Variants in SYNE1 observed in about 807,000 individuals in gnomAD.
SYNE1 encodes nesprin-1.
A neutral mutation model predicts 1,111.0 loss-of-function variants in SYNE1; 616 were observed. That is an observed-to-expected ratio of 0.55 (90% CI 0.52 to 0.59). The LOEUF (loss-of-function observed/expected upper bound fraction) is 0.59, where lower values mean the gene tolerates loss of function less well. Ranked by LOEUF, SYNE1 falls within the 20% of genes least tolerant of loss-of-function variation. SYNE1 has a pLI of 0.00. For synonymous variants in SYNE1, 3,855 were observed against 3,825.8 expected, an observed-to-expected ratio of 1.01 and a Z score of -0.28; for missense variants, 10,006 against 10,417.0, an observed-to-expected ratio of 0.96 and a Z score of 1.72.
chr6:152,463,414 A>C lies in SYNE1; in HGVS notation c.2036T>G (p.Leu679Arg). 1 of 1,613,856 alleles carries C rather than the reference A, an allele frequency of 6.2e-7. No individual in the cohort carries two copies. Among genetic ancestry groups the C allele is most frequent in the Non-Finnish European group, 8.5e-7 (1 of 1,179,810 alleles). Reference protein sequence around the residue: ...ETCDEMVSRDLKQQLLLLNGR... With the variant: ...ETCDEMVSRDRKQQLLLLNGR... ...ATTTAGCAACAGTAATTGCTGCTTC[A>C]GGTCACGGGAAACCATCTCATCACA... Residue 679 changes from leucine to arginine, a missense_variant, in exon 19 of 146, where the codon CTG becomes CGG. This residue lies in a region of SYNE1 where 1,971 missense variants were observed against 2,084.1 expected (regional missense o/e 0.95). Transcript: ENST00000367255.
chr6:152,336,059 TTTAAA>T (rs2096381671), intron 76 of SYNE1: 2 of 151,840 alleles, frequency 1.3e-5, no homozygotes, highest in African/African-American at 4.8e-5. Flanking sequence ...TATATTATAC[TTTAAA>T]TTAATTACAT....
chr6:152,331,877 T>C lies in SYNE1; in HGVS notation c.12808A>G (p.Ser4270Gly). Reference protein sequence around the residue: ...WDNLARSDAESTAVHLEALKK... With the variant: ...WDNLARSDAEGTAVHLEALKK... ...AAAGCTTCCAGGTGGACAGCTGTACTCTCTGCATCAGATCTGAAAATACAT... is the reference window on the plus strand; with the variant it reads ...AAAGCTTCCAGGTGGACAGCTGTACCCTCTGCATCAGATCTGAAAATACAT... Residue 4270 changes from serine to glycine, a missense_variant, in exon 78 of 146, where the codon AGT (serine) becomes GGT (glycine). Physicochemically the swap from Ser to Gly is moderately conservative, Grantham distance 56. Coordinates refer to ENST00000367255, the MANE Select transcript of SYNE1 (RefSeq NM_182961.4). 1.2e-6 allele frequency: 2 copies of C among 1,612,206 alleles called. No homozygotes were observed. Among genetic ancestry groups the C allele is most frequent in the Non-Finnish European group, 8.5e-7 (1 of 1,180,014 alleles).
chr6:152,617,983 A>T (rs1259645752), intron 3 of SYNE1, among the ~76,000 whole-genome samples: 1 of 152,226 alleles, frequency 6.6e-6, no homozygotes, highest in Non-Finnish European at 1.5e-5. Flanking sequence ...AATCGAAGTC[A>T]GGCAATGGAC....
At position 152,339,855 on chromosome 6, in the gene SYNE1, G is replaced by A. The variant is rs142524257; in HGVS notation, c.12226-489C>T. ...ATCTTGTATTATTCTCTTTCCACAAGCCCAAGAAAGGCTTCTCCAGGTGGA... is the reference window on the plus strand; with the variant it reads ...ATCTTGTATTATTCTCTTTCCACAAACCCAAGAAAGGCTTCTCCAGGTGGA... On this transcript the variant is annotated intron_variant, in intron 74 of 145. Coordinates refer to ENST00000367255, the MANE Select transcript of SYNE1 (RefSeq NM_182961.4). 3.3e-5 allele frequency among the ~76,000 whole-genome samples: 5 copies of A among 152,260 alleles called. No individual in the cohort carries two copies. The East Asian group carries it at 9.7e-4, about 29-fold the overall frequency.
chr6:152,171,116 T>A (rs2065102800), intron 130 of SYNE1, among the ~76,000 whole-genome samples: 1 of 152,192 alleles, frequency 6.6e-6, no homozygotes, highest in African/African-American at 2.4e-5. Context: ...AATCACCCAG[T>A]CTCGAGTTGT....
chr6:152,526,631 A>T (rs113659908), intron 4 of SYNE1, among the ~76,000 whole-genome samples: 3 of 152,226 alleles, frequency 2.0e-5, no homozygotes, highest in African/African-American at 7.2e-5. Context: ...TCTATAGGAC[A>T]TTCTCACCAC....
intron 3 of SYNE1, among the ~76,000 whole-genome samples, chr6:152,561,199 T>C (rs997612843): frequency 6.6e-6 from 1 of 152,172 alleles, no homozygotes. Context: ...TGGTTATAAC[T>C]GATAAATTTA....
intron 52 of SYNE1, 67 bp downstream of exon 52, chr6:152,391,210 A>T: frequency 6.2e-7 from 1 of 1,605,498 alleles, no homozygotes; most frequent in South Asian, 1.1e-5. Flanking sequence ...GACACAACAC[A>T]AGCACTTGTG....
intron 112 of SYNE1, among the ~76,000 whole-genome samples, 164 bp from the exon 113 acceptor site, chr6:152,232,429 T>A (rs1484577333): frequency 6.6e-6 from 1 of 152,220 alleles, no homozygotes; most frequent in East Asian, 1.9e-4. Context: ...AAGTTAAACA[T>A]CAGGCAAATG....
intron 30 of SYNE1, among the ~76,000 whole-genome samples, chr6:152,443,674 T>A (rs776621540): frequency 2.6e-5 from 4 of 152,200 alleles, no homozygotes; most frequent in Admixed American, 6.5e-5. Flanking sequence ...AATATATATG[T>A]ATATAATACA....
At chr6:152,556,092 G>A (rs943272826) in intron 3 of SYNE1, among the ~76,000 whole-genome samples, 3 of 152,142 alleles carry the variant, frequency 2.0e-5, no homozygotes, top group African/African-American at 7.2e-5. Context: ...AAAACAAAGT[G>A]ATATCAGCAA....
At chr6:152,630,752 G>C (rs543651985) in intron 2 of SYNE1, among the ~76,000 whole-genome samples, 18 of 152,290 alleles carry the variant, frequency 1.2e-4, no homozygotes, top group African/African-American at 3.4e-4. Flanking sequence ...GCTCACAGAT[G>C]ATTAACACAC....
intron 127 of SYNE1, among the ~76,000 whole-genome samples, chr6:152,193,563 C>G (rs1450624590): frequency 6.6e-6 from 1 of 152,054 alleles, no homozygotes. Context: ...AGTGATCCAC[C>G]CACCTTGGCC....
chr6:152,511,928 A>G (rs903226152), intron 6 of SYNE1, among the ~76,000 whole-genome samples: 1 of 152,174 alleles, frequency 6.6e-6, no homozygotes, highest in East Asian at 1.9e-4. Context: ...AGTCTATCTC[A>G]TTCAATTTCT....
At chr6:152,377,662 T>TAC (rs2097320588) in intron 56 of SYNE1, among the ~76,000 whole-genome samples, 3 of 125,194 alleles carry the variant, frequency 2.4e-5, no homozygotes, top group African/African-American at 9.0e-5. Context: ...TATATATATA[T>TAC]ATATATATAT....
rs34464554 is a variant in SYNE1, at chr6:152,331,635, C to T, written c.13050G>A (p.Gln4350=). 1 of 1,614,176 alleles carries T rather than the reference C, an allele frequency of 6.2e-7. No individual in the cohort carries two copies. Among genetic ancestry groups the T allele is most frequent in the South Asian group, 1.1e-5 (1 of 91,074 alleles). The stretch of plus-strand genomic sequence containing the variant: ...ACTCCATTAGCTCCTGAAATCTGGA[C>T]TGCACCACATTTAACTCCTCCAAGT... The part of the protein sequence containing the change: ...VTNLEELNVV[Q]SRFQELMEWA... Residue 4350 remains glutamine (Q), a synonymous_variant, in exon 78 of 146, where the codon CAG becomes CAA. Transcript: ENST00000367255.
intron 11 of SYNE1, among the ~76,000 whole-genome samples, chr6:152,492,142 G>T (rs1021629120): frequency 2.0e-5 from 3 of 152,122 alleles, no homozygotes; most frequent in African/African-American, 7.2e-5. Context: ...GGCCTGTTTG[G>T]CAACAACCCT....
At chr6:152,574,289 TATATATA>T (rs2099487342) in intron 3 of SYNE1, among the ~76,000 whole-genome samples, 2 of 151,398 alleles carry the variant, frequency 1.3e-5, no homozygotes, top group South Asian at 2.1e-4. Flanking sequence ...AGAGAGGAAA[TATATATA>T]ATATATATTT....
chr6:152,325,926 A>G (rs369930298), intron 80 of SYNE1, 32 bp downstream of exon 80: 4 of 1,613,562 alleles, frequency 2.5e-6, no homozygotes, highest in Non-Finnish European at 3.4e-6. Context: ...TTATAGAAAA[A>G]GGATTTTTTT....
Sources: allele counts gnomAD v4.1 joint callset (sites outside exome capture counted in the v4.1 genomes callset), GRCh38; gene constraint gnomAD v4.1.1; regional missense constraint gnomAD v4.1.1; transcripts MANE v1.5; gene names NCBI Gene and HGNC (gene_info 2026-07-23, HGNC 2026-07-21).